Variants in ITPKB observed in about 807,000 individuals in gnomAD.
ITPKB encodes IP3 3-kinase B.
A neutral mutation model predicts 69.4 loss-of-function variants in ITPKB; 13 were observed. The observed-to-expected ratio is 0.19, with a 90% CI of 0.12 to 0.30. The LOEUF (loss-of-function observed/expected upper bound fraction) is 0.30, where lower values mean the gene tolerates loss of function less well. Ranked by LOEUF, ITPKB falls within the 10% of genes least tolerant of loss-of-function variation. The pLI is 1.00. For synonymous variants in ITPKB, 584 were observed against 513.7 expected, an observed-to-expected ratio of 1.14 and a Z score of -1.85; for missense variants, 1,240 against 1,250.5, an observed-to-expected ratio of 0.99 and a Z score of 0.13.
intron 4 of ITPKB, among the ~76,000 whole-genome samples, chr1:226,643,223 G>A (rs1475016302): frequency 2.0e-5 from 3 of 151,932 alleles, no homozygotes; most frequent in African/African-American, 4.8e-5. Context: ...GGGCTGAATC[G>A]CTGGCCCTGA....
At chr1:226,670,175 CAAAAAAAAAAAAAA>C (rs35767912) in intron 2 of ITPKB, among the ~76,000 whole-genome samples, 15 of 32,006 alleles carry the variant, frequency 4.7e-4, no homozygotes, top group African/African-American at 1.7e-3. Flanking sequence ...AGCTCCGCCG[CAAAAAAAAAAAAAA>C]AAAAAAAAAA....
intron 2 of ITPKB, among the ~76,000 whole-genome samples, chr1:226,684,778 G>A (rs1656162837): frequency 6.6e-6 from 1 of 152,160 alleles, no homozygotes; most frequent in African/African-American, 2.4e-5. Flanking sequence ...TAACTTACAG[G>A]TAACAAAACC....
chr1:226,726,925 G>A (rs1657437434), intron 2 of ITPKB, among the ~76,000 whole-genome samples: 1 of 152,118 alleles, frequency 6.6e-6, no homozygotes, highest in Non-Finnish European at 1.5e-5. Context: ...AAATCTCTTA[G>A]CCATTTCTTA....
chr1:226,639,762 C>G lies in ITPKB; in HGVS notation c.2452-104G>C, dbSNP rs1203125231. The G allele has an allele frequency of 3.8e-6, 3 of 792,760 alleles. No homozygotes were observed. The African/African-American group carries it at 5.1e-5, about 13-fold the overall frequency. 49.1% of individuals were successfully genotyped at this position (792,760 alleles called of 1,614,324 possible). A position where few individuals can be genotyped will look rare whatever the true frequency, so the allele number is the denominator to read the frequency against. ...ACAGAGCAGGCGAGCCCCATCTGAACCTGGGGCAGGGCCAGTGGAGGCACC... is the reference window on the plus strand; with the variant it reads ...ACAGAGCAGGCGAGCCCCATCTGAAGCTGGGGCAGGGCCAGTGGAGGCACC... On this transcript the variant is annotated intron_variant, in intron 5 of 7. Transcript: ENST00000429204.
At chr1:226,671,143 A>G (rs1558081042) in intron 2 of ITPKB, among the ~76,000 whole-genome samples, 2 of 152,210 alleles carry the variant, frequency 1.3e-5, no homozygotes, top group African/African-American at 2.4e-5. Context: ...GAATGGGTTG[A>G]CTGCTCCGTG....
At chr1:226,704,373 C>T (rs1359681755) in intron 2 of ITPKB, among the ~76,000 whole-genome samples, 1 of 152,094 alleles carries the variant, frequency 6.6e-6, no homozygotes, top group Non-Finnish European at 1.5e-5. Flanking sequence ...CCAAGACTAC[C>T]CACATTGCAA....
chr1:226,647,868 C>T (rs1218008137), intron 3 of ITPKB, among the ~76,000 whole-genome samples: 1 of 152,232 alleles, frequency 6.6e-6, no homozygotes, highest in Admixed American at 6.5e-5. Flanking sequence ...TTCTTCTGAG[C>T]CAGACCAAGT....
chr1:226,707,590 T>G (rs1410531960), intron 2 of ITPKB: 1 of 986,758 alleles, frequency 1.0e-6, no homozygotes, highest in Non-Finnish European at 1.2e-6. Context: ...CATCAACATG[T>G]TCGGGCAGTG....
At chr1:226,656,676 G>C (rs1168853326) in intron 2 of ITPKB, 1 of 152,284 alleles carries the variant, frequency 6.6e-6, no homozygotes, top group African/African-American at 2.4e-5. Context: ...GCAGCCCACG[G>C]AGTTGGATGT....
At chr1:226,648,365 T>C (rs1302674405) in intron 3 of ITPKB, among the ~76,000 whole-genome samples, 1 of 152,182 alleles carries the variant, frequency 6.6e-6, no homozygotes, top group African/African-American at 2.4e-5. Flanking sequence ...ATCTGTCTTA[T>C]TGAATACAAC....
intron 2 of ITPKB, among the ~76,000 whole-genome samples, chr1:226,677,693 G>A (rs1308520293): frequency 6.6e-6 from 1 of 152,206 alleles, no homozygotes; most frequent in African/African-American, 2.4e-5. Context: ...CGGGAAAGGT[G>A]GAGAATTTCT....
Position 226,637,638 on chromosome 1 carries a change from G to T in ITPKB, c.2625+41C>A. ...GGAGAAGGAGAAGGCCTGTTGGCACGCGCAGCATTCTGCTCAAGAGGGCAA... is the reference window on the plus strand; with the variant it reads ...GGAGAAGGAGAAGGCCTGTTGGCACTCGCAGCATTCTGCTCAAGAGGGCAA... On this transcript the variant is annotated intron_variant, in intron 7 of 7. Transcript: ENST00000429204. The surrounding 1 kb of genome is among the most constrained non-coding windows in gnomAD (Gnocchi z 4.3). 1.3e-6 allele frequency: 2 copies of T among 1,487,808 alleles called. No individual in the cohort carries two copies. The highest frequency in any genetic ancestry group is 1.9e-6 in the Non-Finnish European group (2 of 1,066,202). The allele number at this position is 1,487,808 out of a possible 1,614,324, so 92.2% of individuals were successfully genotyped here.
At chr1:226,723,030 C>T (rs1265769676) in intron 2 of ITPKB, among the ~76,000 whole-genome samples, 1 of 151,904 alleles carries the variant, frequency 6.6e-6, no homozygotes, top group Admixed American at 6.6e-5. Flanking sequence ...GTTTGGCAGG[C>T]AGGATGCCCA....
intron 2 of ITPKB, among the ~76,000 whole-genome samples, chr1:226,650,122 G>A (rs893633388): frequency 5.3e-5 from 8 of 152,212 alleles, no homozygotes; most frequent in African/African-American, 1.7e-4. Flanking sequence ...TCCTTGCCCC[G>A]AAGCGCCCAG....
chr1:226,634,684 G>A lies in ITPKB; in HGVS notation c.2828C>T (p.Ala943Val), dbSNP rs545126789. 9 of 840,798 alleles carry A rather than the reference G, an allele frequency of 1.1e-5. No homozygotes were observed. In the Admixed American group the frequency reaches 1.4e-4, roughly 13 times the overall value. The allele number at this position is 840,798 out of a possible 1,614,324, so 52.1% of individuals were successfully genotyped here. A position where few individuals can be genotyped will look rare whatever the true frequency, so the allele number is the denominator to read the frequency against. ...VDILTEMSQD[A>V]PLA ...GGCGTGGGCAGCTCAGGCGAGTGGG[G>A]CATCCTGGGACATCTCGGTCAGGAT... The change falls in exon 8 of 8, where the codon GCC becomes GTC. Residue 943 changes from alanine to valine, a missense_variant. This residue lies in a region of ITPKB where 248 missense variants were observed against 396.7 expected (regional missense o/e 0.63). Transcript: ENST00000429204. This position sits in a 1 kb window ranked among gnomAD's most constrained non-coding sequence, Gnocchi z 6.3.
intron 2 of ITPKB, among the ~76,000 whole-genome samples, chr1:226,669,381 G>A (rs567216472): frequency 4.6e-5 from 7 of 151,068 alleles, no homozygotes; most frequent in Non-Finnish European, 8.8e-5. Flanking sequence ...TGGGCAACAA[G>A]AGCGAAACTC....
chr1:226,713,663 C>A (rs193186226), intron 2 of ITPKB, among the ~76,000 whole-genome samples: 173 of 152,330 alleles, frequency 1.1e-3, no homozygotes, highest in African/African-American at 4.0e-3. Context: ...GGCATCTCTT[C>A]GCTCTCAGAC....
At chr1:226,703,082 T>G (rs888967837) in intron 2 of ITPKB, among the ~76,000 whole-genome samples, 3 of 152,118 alleles carry the variant, frequency 2.0e-5, no homozygotes, top group Non-Finnish European at 4.4e-5. Flanking sequence ...GAGATTCCAC[T>G]TTGCCTGCCA....
intron 2 of ITPKB, among the ~76,000 whole-genome samples, chr1:226,684,663 T>C (rs3768389): frequency 1.3e-5 from 2 of 152,152 alleles, no homozygotes; most frequent in Non-Finnish European, 2.9e-5. Flanking sequence ...ATGCAGATGA[T>C]TGCATGCAAA....
Sources: allele counts gnomAD v4.1 joint callset (sites outside exome capture counted in the v4.1 genomes callset), GRCh38; gene constraint gnomAD v4.1.1; regional missense constraint gnomAD v4.1.1; non-coding constraint Gnocchi (gnomAD v3.1); transcripts MANE v1.5; gene names NCBI Gene and HGNC (gene_info 2026-07-23, HGNC 2026-07-21).